The following PPP6R2 variants were observed in gnomAD, a reference collection of about 807,000 sequenced individuals.
PPP6R2 encodes the protein protein phosphatase 6 regulatory subunit 2.
In PPP6R2, 62 loss-of-function variants were observed where a neutral mutation model predicts 100.2. The ratio of observed to expected loss-of-function variants is 0.62; its 90% CI spans 0.50 to 0.76. The LOEUF is 0.76. PPP6R2 is among the 30% of genes least tolerant of loss of function. The probability of loss-of-function intolerance (pLI) is 0.00; values close to 1 mark genes in which losing one functional copy is unlikely to be tolerated. For missense variants in PPP6R2, 1,142 were observed against 1,276.3 expected, an observed-to-expected ratio of 0.89 and a Z score of 1.60; for synonymous variants, 525 against 514.7, an observed-to-expected ratio of 1.02 and a Z score of -0.27.
intron 1 of PPP6R2, among the ~76,000 whole-genome samples, chr22:50,359,449 C>G (rs553991107): frequency 6.6e-6 from 1 of 152,122 alleles, no homozygotes; most frequent in Admixed American, 6.5e-5. Flanking sequence ...GATCTCCTGA[C>G]CTTGTGATCT....
rs770478082 is a variant in PPP6R2, at chr22:50,423,516, C to A, written c.1027C>A (p.Arg343Ser). 1 of 1,614,084 alleles carries A rather than the reference C, an allele frequency of 6.2e-7. No individual in the cohort carries two copies. Among genetic ancestry groups the A allele is most frequent in the Non-Finnish European group, 8.5e-7 (1 of 1,180,046 alleles). Reference sequence around the variant, plus strand: ...GCTGGAGGAGCCCCTGGGGAATGCCCGTCTGCATGGCGCCCGCCTCATGGC... The same window carrying A: ...GCTGGAGGAGCCCCTGGGGAATGCCAGTCTGCATGGCGCCCGCCTCATGGC... ...GVLEEPLGNA[R>S]LHGARLMAAL... The change falls in exon 10 of 24, where the codon CGT becomes AGT. Residue 343 changes from arginine to serine, a missense_variant. Around this residue, in one of 2 missense-constraint regions of PPP6R2, gnomAD observed 592 missense variants for 758.9 expected, o/e 0.78. Transcript: ENST00000612753. This position sits in a 1 kb window ranked among gnomAD's most constrained non-coding sequence, Gnocchi z 4.8.
chr22:50,419,051 C>G, intron 7 of PPP6R2, 72 bp downstream of exon 7: 2 of 1,238,478 alleles, frequency 1.6e-6, no homozygotes, highest in East Asian at 2.3e-5. Context: ...GAGCCTTGCT[C>G]TGAGCACCAG....
Position 50,440,939 on chromosome 22 carries a change from C to T in PPP6R2, c.2492C>T (p.Ala831Val), listed in dbSNP as rs765052205. ...SHSEDGDQKA[A>V]SAMDAVSRGP... Reference sequence around the variant, plus strand: ...AGCGAGGATGGCGACCAGAAGGCAGCGAGTGCCATGGATGCGGTGAGCAGG... The same window carrying T: ...AGCGAGGATGGCGACCAGAAGGCAGTGAGTGCCATGGATGCGGTGAGCAGG... Residue 831 changes from alanine to valine, a missense_variant, in exon 22 of 24, where the codon GCG (alanine) becomes GTG (valine). By Grantham distance (64) the Ala-to-Val change is moderately conservative. Transcript: ENST00000612753. 18 of 1,613,478 alleles carry T rather than the reference C, an allele frequency of 1.1e-5. No individual in the cohort carries two copies. The highest frequency in any genetic ancestry group is 5.3e-5 in the African/African-American group (4 of 74,942).
At chr22:50,350,910 C>T (rs2044963278) in intron 1 of PPP6R2, among the ~76,000 whole-genome samples, 1 of 150,624 alleles carries the variant, frequency 6.6e-6, no homozygotes, top group Non-Finnish European at 1.5e-5. Context: ...GCAGGCATGA[C>T]AACATTAGTC....
chr22:50,359,974 T>C (rs2047443175), intron 1 of PPP6R2, among the ~76,000 whole-genome samples: 1 of 152,168 alleles, frequency 6.6e-6, no homozygotes, highest in African/African-American at 2.4e-5. Flanking sequence ...TTAAAATGTC[T>C]TTATTTATAT....
intron 10 of PPP6R2, among the ~76,000 whole-genome samples, chr22:50,426,032 A>G (rs909578621): frequency 2.0e-5 from 3 of 152,174 alleles, no homozygotes; most frequent in Admixed American, 6.6e-5. Flanking sequence ...AGCTTCCTGT[A>G]ACCTTGAACT....
At chr22:50,364,345 TAATG>T (rs1309955629) in intron 1 of PPP6R2, among the ~76,000 whole-genome samples, 10 of 152,126 alleles carry the variant, frequency 6.6e-5, no homozygotes, top group South Asian at 4.1e-4. Context: ...AGTCATAAAA[TAATG>T]AAATTACGGA....
chr22:50,357,649 A>G (rs1012434466), intron 1 of PPP6R2, among the ~76,000 whole-genome samples: 1 of 150,294 alleles, frequency 6.7e-6, no homozygotes, highest in Non-Finnish European at 1.5e-5. Context: ...TTTTTTTGAG[A>G]TGGAGTCTTG....
intron 2 of PPP6R2, among the ~76,000 whole-genome samples, chr22:50,391,697 T>C (rs1035961064): frequency 1.5e-5 from 2 of 129,978 alleles, no homozygotes; most frequent in African/African-American, 2.6e-5. Context: ...GTCTGGTATC[T>C]TGCTGTTTTT....
At chr22:50,402,620 C>T (rs2058237992) in intron 3 of PPP6R2, among the ~76,000 whole-genome samples, 1 of 152,188 alleles carries the variant, frequency 6.6e-6, no homozygotes, top group Admixed American at 6.6e-5. Flanking sequence ...TGCTTCAGTC[C>T]TCCAGGCTGG....
chr22:50,437,330 G>A (rs554496290), intron 15 of PPP6R2, among the ~76,000 whole-genome samples, 176 bp from the exon 16 acceptor site: 11 of 152,344 alleles, frequency 7.2e-5, no homozygotes, highest in South Asian at 2.1e-4. Context: ...CAGCGAGCGC[G>A]CAGCCTGAGT....
intron 4 of PPP6R2, among the ~76,000 whole-genome samples, chr22:50,408,587 C>T (rs571446647): frequency 2.2e-4 from 33 of 152,108 alleles, no homozygotes; most frequent in East Asian, 9.6e-4. Flanking sequence ...TGGTGTGGGC[C>T]GGGGGATTGT....
At chr22:50,372,694 TTC>T (rs1404508984) in intron 2 of PPP6R2, among the ~76,000 whole-genome samples, 1 of 151,996 alleles carries the variant, frequency 6.6e-6, no homozygotes, top group East Asian at 1.9e-4. Context: ...AGTTTAATTC[TTC>T]TTTTTTTTTT....
intron 3 of PPP6R2, among the ~76,000 whole-genome samples, chr22:50,398,703 G>T (rs1245856750): frequency 6.7e-6 from 1 of 150,290 alleles, no homozygotes; most frequent in Non-Finnish European, 1.5e-5. Context: ...TTTTAGAAGA[G>T]ACGGGGTTAC....
Position 50,418,983 on chromosome 22 carries a change from AG to A in PPP6R2, c.731+5del. 6.2e-7 allele frequency: 1 copy of A among 1,609,630 alleles called. No individual in the cohort carries two copies. The highest frequency in any genetic ancestry group is 8.5e-7 in the Non-Finnish European group (1 of 1,176,076). On this transcript the variant is annotated splice_donor_5th_base_variant and intron_variant, in intron 7 of 23. Coordinates refer to ENST00000612753, the MANE Select transcript of PPP6R2 (RefSeq NM_001242898.2). The stretch of plus-strand genomic sequence containing the variant: ...CGCTCCTCACAGCGCTGGAGTCGTG[AG>A]TGCTGGTGGGCCGTGGTGCTGGTGG...
Position 50,438,250 on chromosome 22 carries a change from G to A in PPP6R2, c.1916G>A (p.Trp639Ter). Residue 639 changes from tryptophan (W) to a stop codon, truncating the protein, a stop_gained, in exon 18 of 24, where the codon TGG (tryptophan) becomes TAG (stop). Coordinates refer to ENST00000612753, the MANE Select transcript of PPP6R2 (RefSeq NM_001242898.2). LOFTEE classifies it high-confidence loss of function. The part of the protein sequence containing the change: ...PFDDDEDEDI[W>*]EDSDTRCAAR... Reference sequence around the variant, plus strand: ...GATGATGATGAGGACGAGGACATCTGGGAGGACAGTGACACTCGCTGTGCT... The same window carrying A: ...GATGATGATGAGGACGAGGACATCTAGGAGGACAGTGACACTCGCTGTGCT... The A allele has an allele frequency of 6.2e-7, 1 of 1,613,908 alleles. No homozygotes were observed. Among genetic ancestry groups the A allele is most frequent in the Non-Finnish European group, 8.5e-7 (1 of 1,179,986 alleles).
intron 1 of PPP6R2, among the ~76,000 whole-genome samples, chr22:50,362,814 T>C (rs1387022292): frequency 6.6e-6 from 1 of 152,170 alleles, no homozygotes; most frequent in East Asian, 1.9e-4. Flanking sequence ...GAAGACAGGC[T>C]TTCTCAGCAA....
intron 2 of PPP6R2, among the ~76,000 whole-genome samples, chr22:50,390,231 A>T (rs950985283): frequency 6.6e-6 from 1 of 151,890 alleles, no homozygotes; most frequent in East Asian, 1.9e-4. Flanking sequence ...ACCTCAGGTG[A>T]TCCACCCGCT....
At chr22:50,356,654 C>T (rs547101191) in intron 1 of PPP6R2, among the ~76,000 whole-genome samples, 22 of 152,062 alleles carry the variant, frequency 1.4e-4, no homozygotes, top group Non-Finnish European at 2.8e-4. Context: ...AGTTTTCGGC[C>T]GGTTGTGGTG....
Sources: gnomAD v4.1 joint callset for allele counts (sites outside exome capture counted in the v4.1 genomes callset) on GRCh38, gnomAD v4.1.1 for gene constraint, gnomAD v4.1.1 regional missense constraint, Gnocchi (gnomAD v3.1) non-coding constraint, MANE v1.5 for transcripts, NCBI Gene and HGNC (gene_info 2026-07-23, HGNC 2026-07-21) for gene names.